The following FAM47E variants were observed in gnomAD, a reference collection of about 807,000 sequenced individuals.
The protein encoded by FAM47E is protein FAM47E.
FAM47E carries 32 observed loss-of-function variants against 41.6 expected under a neutral mutation model. That is an observed-to-expected ratio of 0.77 (90% confidence interval 0.58 to 1.03). The LOEUF is 1.03. Among genes scored for constraint, FAM47E ranks in the 50% least tolerant of loss-of-function variants. The pLI, the probability that FAM47E is intolerant of heterozygous loss-of-function variation, is 0.00. For missense variants in FAM47E, 424 were observed against 485.4 expected (o/e 0.87, Z 1.19); for synonymous variants, 184 against 188.7 (o/e 0.98, Z 0.20).
intron 2 of FAM47E, among the ~76,000 whole-genome samples, chr4:76,220,168 C>G (rs1429622505): frequency 6.6e-6 from 1 of 152,122 alleles, no homozygotes; most frequent in Non-Finnish European, 1.5e-5. Context: ...TATATAACCC[C>G]CAAAATTGAA....
intron 5 of FAM47E, among the ~76,000 whole-genome samples, chr4:76,273,088 A>G (rs568535647): frequency 1.3e-5 from 2 of 152,158 alleles, no homozygotes; most frequent in South Asian, 4.1e-4. Flanking sequence ...GAAACTTTGG[A>G]TAGTGCTAAC....
chr4:76,236,528 T>A (rs1310712849), intron 2 of FAM47E: 2 of 152,140 alleles, frequency 1.3e-5, no homozygotes, highest in Admixed American at 1.3e-4. Context: ...CAGGAGATCC[T>A]GAGAACATGT....
chr4:76,227,342 C>T (rs13114306), intron 2 of FAM47E, among the ~76,000 whole-genome samples: 22,812 of 152,018 alleles, frequency 0.15, 2,044 homozygotes, highest in East Asian at 0.35. Context: ...ATTATTTGTA[C>T]AGTTTTGAGG....
exon 2 of FAM47E, chr4:76,217,636 C>T: frequency 1.5e-6 from 1 of 653,662 alleles, no homozygotes; most frequent in Non-Finnish European, 2.8e-6. Context: ...TGCGTCTTGT[C>T]CAGCCTGCAG....
intron 2 of FAM47E, among the ~76,000 whole-genome samples, chr4:76,262,778 T>C (rs79393144): frequency 0.089 from 13,492 of 152,184 alleles, 1,065 homozygotes; most frequent in East Asian, 0.43. Flanking sequence ...TGTTTGTTTT[T>C]TTGAGACAGG....
chr4:76,275,386 C>T (rs1364007561), intron 5 of FAM47E, among the ~76,000 whole-genome samples: 2 of 152,178 alleles, frequency 1.3e-5, no homozygotes, highest in African/African-American at 4.8e-5. Flanking sequence ...TCTAATCTCT[C>T]ACAGCAATCT....
At chr4:76,253,429 T>G (rs1734055422) in intron 1 of FAM47E, among the ~76,000 whole-genome samples, 1 of 152,224 alleles carries the variant, frequency 6.6e-6, no homozygotes, top group Middle Eastern at 3.2e-3. Flanking sequence ...GAGGGAAATA[T>G]CCATATATCA....
At position 76,283,502 on chromosome 4, in the gene FAM47E, C is replaced by A; in HGVS notation, c.*44C>A. The A allele has an allele frequency of 8.6e-7, 1 of 1,159,206 alleles. No homozygotes were observed. The highest frequency in any genetic ancestry group is 1.3e-6 in the Non-Finnish European group (1 of 793,360). 71.8% of individuals were successfully genotyped at this position (1,159,206 alleles called of 1,614,324 possible). On this transcript the variant is annotated 3_prime_UTR_variant, in exon 8 of 8. Transcript: ENST00000424749. ...ATTAGGCAGATTTTATTACTACGTA[C>A]TTGGCTATTTCTCTGTCTCCTTTTA...
At chr4:76,219,532 TCA>T (rs1330929635) in intron 2 of FAM47E, among the ~76,000 whole-genome samples, 2 of 152,040 alleles carry the variant, frequency 1.3e-5, no homozygotes, top group African/African-American at 2.4e-5. Flanking sequence ...ACACGAGAGG[TCA>T]CAGTTATTCT....
intron 2 of FAM47E, among the ~76,000 whole-genome samples, chr4:76,225,719 G>A (rs56277851): frequency 0.64 from 97,510 of 151,580 alleles, 33,357 homozygotes; most frequent in Non-Finnish European, 0.78. Context: ...AACCACCCCT[G>A]TATCCCTGGT....
At chr4:76,232,594 G>A (rs977723861) in intron 2 of FAM47E, among the ~76,000 whole-genome samples, 13 of 152,068 alleles carry the variant, frequency 8.5e-5, no homozygotes, top group Admixed American at 5.9e-4. Flanking sequence ...ATTTTAGAAA[G>A]TCCCATACAG....
chr4:76,221,681 C>T (rs1733310729), intron 2 of FAM47E, among the ~76,000 whole-genome samples: 1 of 152,192 alleles, frequency 6.6e-6, no homozygotes, highest in South Asian at 2.1e-4. Flanking sequence ...CATGTTATCA[C>T]TTATTAGCTA....
Position 76,262,272 on chromosome 4 carries a change from T to C in FAM47E, c.421-1432T>C, listed in dbSNP as rs145769076. 4.1e-3 allele frequency among the ~76,000 whole-genome samples: 621 copies of C among 152,282 alleles called. 10 individuals carry two copies. Among genetic ancestry groups the C allele is most frequent in the African/African-American group, 0.014 (595 of 41,550 alleles). ...AGAGCCCTAAAAGAAAAAAAGCAAC[T>C]ATTTACTATGATGCAAGACTTCAAA... On this transcript the variant is annotated intron_variant, in intron 2 of 7. Coordinates refer to ENST00000424749, the MANE Select transcript of FAM47E (RefSeq NM_001136570.3).
chr4:76,223,619 G>T (rs1461329381), intron 2 of FAM47E, among the ~76,000 whole-genome samples: 1 of 152,178 alleles, frequency 6.6e-6, no homozygotes, highest in South Asian at 2.1e-4. Flanking sequence ...GAGACTCTCA[G>T]GCCCTGGTCT....
chr4:76,270,205 C>T (rs1282392280), intron 4 of FAM47E, among the ~76,000 whole-genome samples: 1 of 152,058 alleles, frequency 6.6e-6, no homozygotes, highest in Non-Finnish European at 1.5e-5. Flanking sequence ...CAATATTTCC[C>T]CAAGAAATGG....
intron 7 of FAM47E, 30 bp from the exon 8 acceptor site, chr4:76,283,351 T>G: frequency 7.1e-7 from 1 of 1,407,592 alleles, no homozygotes; most frequent in Non-Finnish European, 9.8e-7. Flanking sequence ...TGTTTGCCAA[T>G]CTAATGAAGG....
At chr4:76,276,356 T>TTTTTG (rs1240395543) in intron 5 of FAM47E, among the ~76,000 whole-genome samples, 1 of 59,834 alleles carries the variant, frequency 1.7e-5, no homozygotes, top group Non-Finnish European at 3.8e-5. Flanking sequence ...AGGGGGTTAC[T>TTTTTG]TTTTTTTGTT....
intron 2 of FAM47E, among the ~76,000 whole-genome samples, chr4:76,246,133 G>A (rs72858593): frequency 6.6e-6 from 1 of 152,190 alleles, no homozygotes; most frequent in South Asian, 2.1e-4. Flanking sequence ...AAGCTGGTAA[G>A]CAAGGTTTAG....
At chr4:76,281,760 C>G (rs1014654430) in intron 7 of FAM47E, 1 of 152,128 alleles carries the variant, frequency 6.6e-6, no homozygotes. Flanking sequence ...ATGCCTGACA[C>G]ACTGGCTATT....
Sources: gnomAD v4.1 joint callset for allele counts (sites outside exome capture counted in the v4.1 genomes callset) on GRCh38, gnomAD v4.1.1 for gene constraint, MANE v1.5 for transcripts, NCBI Gene and HGNC (gene_info 2026-07-23, HGNC 2026-07-21) for gene names.